The following STAG2 variants were observed in gnomAD, a reference collection of about 807,000 sequenced individuals.
STAG2 encodes cohesin subunit SA-2.
A neutral mutation model predicts 108.1 loss-of-function variants in STAG2; 14 were observed. That is an observed-to-expected ratio of 0.13 (90% CI 0.09 to 0.20). STAG2 has a LOEUF of 0.20. Among genes scored for constraint, STAG2 ranks in the 10% least tolerant of loss-of-function variants. The pLI, the probability that STAG2 is intolerant of heterozygous loss-of-function variation, is 1.00. For missense variants in STAG2, 440 were observed against 940.9 expected (o/e 0.47, Z 6.96); for synonymous variants, 307 against 302.7 (o/e 1.01, Z -0.15).
intron 34 of STAG2, among the ~76,000 whole-genome samples, chrX:124,099,343 G>A (rs954403074): frequency 1.8e-5 from 2 of 111,524 alleles, no homozygotes; most frequent in Non-Finnish European, 3.8e-5. Flanking sequence ...TTCATAGAGT[G>A]TTATGGTAAG....
At chrX:123,969,095 T>C (rs189619163) in intron 1 of STAG2, among the ~76,000 whole-genome samples, 13 of 112,351 alleles carry the variant, frequency 1.2e-4, no homozygotes, top group African/African-American at 3.2e-4. Context: ...AAGGTAAATA[T>C]AGATTTTTAC....
intron 1 of STAG2, among the ~76,000 whole-genome samples, chrX:123,983,429 G>A (rs193147109): frequency 1.1e-3 from 127 of 111,266 alleles, no homozygotes; most frequent in African/African-American, 3.7e-3. Context: ...TCGTGGATGA[G>A]CTGAGTTCAA....
chrX:124,061,974 T>A (rs1019502657), intron 17 of STAG2, 100 bp downstream of exon 17: 1 of 655,449 alleles, frequency 1.5e-6, no homozygotes, highest in South Asian at 3.7e-5. Context: ...TTTTGTTTTA[T>A]TTTTCAGACA....
In STAG2 at chrX:124,066,365, C is replaced by A; in HGVS notation, c.2194C>A (p.His732Asn). Residue 732 changes from histidine (H) to asparagine (N), a missense_variant, in exon 23 of 35, where the codon CAC becomes AAC. His to Asn is a moderately conservative substitution (Grantham distance 68). Around this residue, in one of 3 missense-constraint regions of STAG2, gnomAD observed 337 missense variants for 649.3 expected, o/e 0.52. Transcript: ENST00000371145. ...NGDMPEQIVI[H>N]ALQCTHYVIL... is the part of the protein sequence containing the mutation. ...TTGATTCTTTTTACAGATTGTTATT[C>A]ACGCACTGCAGTGTACTCACTATGT... is the stretch of plus-strand genomic sequence containing the variant. 8.3e-7 allele frequency: 1 copy of A among 1,202,803 alleles called. No individual in the cohort carries two copies. The highest frequency in any genetic ancestry group is 1.1e-6 in the Non-Finnish European group (1 of 889,313).
rs1320302787 is a variant in STAG2, at chrX:124,102,379, A to G, written c.*1782A>G. On this transcript the variant is annotated 3_prime_UTR_variant, in exon 35 of 35. Transcript: ENST00000371145. The stretch of plus-strand genomic sequence containing the variant: ...CAGCTTTGTTTTCAACCAGCTAAAA[A>G]TGTTTTATATATTACTCTAACCTGT... 6.4e-6 allele frequency: 1 copy of G among 155,462 alleles called. No individual in the cohort carries two copies. The highest frequency in any genetic ancestry group is 1.3e-5 in the Non-Finnish European group (1 of 79,453). The allele number at this position is 155,462 out of a possible 1,213,427, so 12.8% of individuals were successfully genotyped here.
intron 23 of STAG2, among the ~76,000 whole-genome samples, chrX:124,068,332 A>G (rs2058589374): frequency 1.8e-5 from 2 of 111,458 alleles, no homozygotes; most frequent in African/African-American, 6.5e-5. Flanking sequence ...GCCTTAGGAT[A>G]TTATCTATTA....
At chrX:124,094,465 A>T (rs1462360092) in intron 33 of STAG2, among the ~76,000 whole-genome samples, 1 of 112,062 alleles carries the variant, frequency 8.9e-6, no homozygotes, top group Admixed American at 9.5e-5. Flanking sequence ...TGCATTTTAA[A>T]AAATATGAGT....
At chrX:124,023,435 GATC>G (rs1327453558) in intron 3 of STAG2, among the ~76,000 whole-genome samples, 1 of 110,755 alleles carries the variant, frequency 9.0e-6, no homozygotes, top group Non-Finnish European at 1.9e-5. Context: ...ATTTACTTTT[GATC>G]ATATGTAGAT....
At chrX:123,967,504 G>C (rs1290430573) in intron 1 of STAG2, among the ~76,000 whole-genome samples, 1 of 111,129 alleles carries the variant, frequency 9.0e-6, no homozygotes, top group Non-Finnish European at 1.9e-5. Flanking sequence ...GACCTCAGGT[G>C]ATCTGCCTGC....
chrX:123,960,859 G>A (rs934376233), upstream of STAG2: 7 of 110,806 alleles, frequency 6.3e-5, no homozygotes, highest in African/African-American at 2.3e-4. Context: ...TGTACGCTGA[G>A]GGGGGAGGTA....
rs1309036783 is a variant in STAG2, at chrX:123,962,226, ATG to A, written c.-163+371_-163+372del. The A allele has an allele frequency of 9.0e-5, 10 of 111,231 alleles. No individual in the cohort carries two copies. The East Asian group carries it at 2.8e-3, about 32-fold the overall frequency. The allele number at this position is 111,231 out of a possible 1,213,427, so 9.2% of individuals were successfully genotyped here. On this transcript the variant is annotated intron_variant, in intron 1 of 34. Coordinates refer to ENST00000371145, the MANE Select transcript of STAG2 (RefSeq NM_001042750.2). ...GCGATTTTGGGACGAAAAGGGTCGG[ATG>A]GGCCGTGGGAGAGAGAAGGTGTGGG...
chrX:123,966,555 G>A (rs1227122638), intron 1 of STAG2, among the ~76,000 whole-genome samples: 4 of 111,613 alleles, frequency 3.6e-5, no homozygotes, highest in African/African-American at 1.3e-4. Context: ...AATTCTTTAT[G>A]TTTCTGGGTA....
chrX:124,028,605 G>A (rs1295441032), intron 4 of STAG2, among the ~76,000 whole-genome samples: 1 of 109,382 alleles, frequency 9.1e-6, no homozygotes, highest in Admixed American at 9.8e-5. Context: ...CCCCTTCAGG[G>A]AAGGGGTTTA....
intron 5 of STAG2, among the ~76,000 whole-genome samples, chrX:124,033,383 T>C (rs2057406017): frequency 8.9e-6 from 1 of 112,160 alleles, no homozygotes; most frequent in Non-Finnish European, 1.9e-5. Context: ...TTCTCTAATA[T>C]TTTGTTCTAA....
At chrX:123,985,144 C>CTT (rs992669998) in intron 1 of STAG2, among the ~76,000 whole-genome samples, 1 of 107,316 alleles carries the variant, frequency 9.3e-6, no homozygotes, top group East Asian at 2.9e-4. Context: ...TCATTAAATA[C>CTT]TTTTTTTTTT....
chrX:123,995,017 C>T (rs370862761), intron 1 of STAG2, among the ~76,000 whole-genome samples: 9 of 111,783 alleles, frequency 8.1e-5, no homozygotes, highest in African/African-American at 1.3e-4. Context: ...AAACAAAAAA[C>T]CTCTGCAAAC....
chrX:124,026,901 T>G (rs2148027278), intron 4 of STAG2, among the ~76,000 whole-genome samples: 1 of 111,490 alleles, frequency 9.0e-6, no homozygotes, highest in Non-Finnish European at 1.9e-5. Context: ...TTTATTTGTT[T>G]TTTTGGAGAT....
At chrX:124,073,187 ATAAAACGTCTTTTTTTAAAACTTC>A (rs897665329) in intron 25 of STAG2, among the ~76,000 whole-genome samples, 16 of 111,828 alleles carry the variant, frequency 1.4e-4, no homozygotes, top group African/African-American at 5.2e-4. Context: ...ATAGGACTTT[ATAAAACGTCTTTTTTTAAAACTTC>A]TAAAACGTCT....
intron 1 of STAG2, among the ~76,000 whole-genome samples, chrX:123,973,884 A>G (rs1256560751): frequency 1.8e-5 from 2 of 110,643 alleles, no homozygotes; most frequent in Admixed American, 9.7e-5. Flanking sequence ...GGGATATACA[A>G]TGGTAAACTA....
Sources: gnomAD v4.1 joint callset for allele counts (sites outside exome capture counted in the v4.1 genomes callset) on GRCh38, gnomAD v4.1.1 for gene constraint, gnomAD v4.1.1 regional missense constraint, MANE v1.5 for transcripts, NCBI Gene and HGNC (gene_info 2026-07-23, HGNC 2026-07-21) for gene names.